TIAM1: variants seen among roughly 807,000 people sequenced by gnomAD.
TIAM1 encodes TIAM Rac1 associated GEF 1.
Under a neutral mutation model 163.5 loss-of-function variants are expected in TIAM1, and 65 were observed. The ratio of observed to expected loss-of-function variants is 0.40; its 90% confidence interval spans 0.33 to 0.49. The LOEUF (loss-of-function observed/expected upper bound fraction) is 0.49, where lower values mean the gene tolerates loss of function less well. Ranked by LOEUF, TIAM1 falls within the 20% of genes least tolerant of loss-of-function variation. The pLI, the probability that TIAM1 is intolerant of heterozygous loss-of-function variation, is 0.77. For missense variants in TIAM1, 1,789 were observed against 2,044.7 expected (o/e 0.87, Z 2.41); for synonymous variants, 833 against 810.1 (o/e 1.03, Z -0.48).
chr21:31,477,189 G>A (rs2268235), intron 1 of TIAM1, among the ~76,000 whole-genome samples: 1 of 152,064 alleles, frequency 6.6e-6, no homozygotes, highest in African/African-American at 2.4e-5. Flanking sequence ...ATCAGAGGGA[G>A]GTTTCCACAG....
chr21:31,163,456 C>T (rs2146359237), intron 16 of TIAM1, among the ~76,000 whole-genome samples: 1 of 152,236 alleles, frequency 6.6e-6, no homozygotes, highest in South Asian at 2.1e-4. Context: ...TAACAACCAA[C>T]AACATAATGC....
chr21:31,373,617 C>A (rs1178961292), intron 2 of TIAM1, among the ~76,000 whole-genome samples: 1 of 152,020 alleles, frequency 6.6e-6, no homozygotes, highest in African/African-American at 2.4e-5. Context: ...ATACAAGAGA[C>A]AGCAGAAAAG....
chr21:31,322,768 G>T (rs952261271), intron 2 of TIAM1, among the ~76,000 whole-genome samples: 9 of 152,110 alleles, frequency 5.9e-5, no homozygotes, highest in African/African-American at 2.2e-4. Context: ...TGAATATTAG[G>T]TCCCAAACGC....
chr21:31,380,628 G>A (rs960434608), intron 2 of TIAM1, among the ~76,000 whole-genome samples: 8 of 152,148 alleles, frequency 5.3e-5, no homozygotes, highest in Admixed American at 1.3e-4. Flanking sequence ...TGGATGATTC[G>A]AAAGGGGTAT....
intron 16 of TIAM1, among the ~76,000 whole-genome samples, chr21:31,163,029 A>G (rs964862521): frequency 1.3e-5 from 2 of 152,074 alleles, no homozygotes; most frequent in Non-Finnish European, 2.9e-5. Flanking sequence ...TTATGACCTC[A>G]TGACTCACTA....
chr21:31,503,004 G>A (rs1345631797), intron 1 of TIAM1, among the ~76,000 whole-genome samples: 1 of 152,194 alleles, frequency 6.6e-6, no homozygotes, highest in East Asian at 1.9e-4. Flanking sequence ...CCTGCTGTGA[G>A]AGCCACACCC....
chr21:31,530,458 C>T (rs924973912), intron 1 of TIAM1, among the ~76,000 whole-genome samples: 2 of 152,262 alleles, frequency 1.3e-5, no homozygotes, highest in Non-Finnish European at 2.9e-5. Flanking sequence ...TGTCTCCCTT[C>T]ACAACAGTGT....
At position 31,147,015 on chromosome 21, in the gene TIAM1, G is replaced by A. The variant is rs1012033199; in HGVS notation, c.3367-12C>T. ...GAGAACAGCACTTTCTGGATTTGACGAGAAAAGGCACAGTTGGTTGTTTCC... is the reference window on the plus strand; with the variant it reads ...GAGAACAGCACTTTCTGGATTTGACAAGAAAAGGCACAGTTGGTTGTTTCC... On this transcript the variant is annotated splice_polypyrimidine_tract_variant and intron_variant, in intron 19 of 27. Transcript: ENST00000541036. The A allele has an allele frequency of 1.1e-5, 17 of 1,608,984 alleles. No homozygotes were observed. Among genetic ancestry groups the A allele is most frequent in the African/African-American group, 2.7e-5 (2 of 74,806 alleles).
chr21:31,434,076 C>T (rs1368651482), intron 2 of TIAM1, among the ~76,000 whole-genome samples: 5 of 151,986 alleles, frequency 3.3e-5, no homozygotes, highest in Admixed American at 3.3e-4. Context: ...AGGATTATAG[C>T]AACCGTGCCT....
intron 13 of TIAM1, among the ~76,000 whole-genome samples, chr21:31,194,537 G>A (rs2085755566): frequency 6.6e-6 from 1 of 152,136 alleles, no homozygotes; most frequent in African/African-American, 2.4e-5. Flanking sequence ...CAAAAATTAT[G>A]GGAGGTCATT....
At chr21:31,267,885 G>A (rs1363853270) in intron 3 of TIAM1, among the ~76,000 whole-genome samples, 4 of 152,114 alleles carry the variant, frequency 2.6e-5, no homozygotes, top group East Asian at 1.9e-4. Context: ...GTGTGATTCC[G>A]CCTTCTGGGG....
At chr21:31,158,446 C>T (rs2083736757) in intron 16 of TIAM1, among the ~76,000 whole-genome samples, 1 of 152,238 alleles carries the variant, frequency 6.6e-6, no homozygotes, top group East Asian at 1.9e-4. Context: ...TGAATCAAGG[C>T]ACCAACCCTC....
chr21:31,268,664 T>G (rs1018130673), intron 3 of TIAM1, among the ~76,000 whole-genome samples: 3 of 152,202 alleles, frequency 2.0e-5, no homozygotes, highest in Non-Finnish European at 4.4e-5. Flanking sequence ...GCAAGTAGAT[T>G]TCAAAGCAAT....
chr21:31,130,754 C>T (rs2082386130), intron 24 of TIAM1, 136 bp downstream of exon 24: 1 of 763,222 alleles, frequency 1.3e-6, no homozygotes, highest in Non-Finnish European at 2.1e-6. Context: ...TGATCTCAAG[C>T]ATCCTTAGCA....
intron 2 of TIAM1, among the ~76,000 whole-genome samples, chr21:31,377,008 G>A (rs759130941): frequency 8.2e-5 from 12 of 146,050 alleles, no homozygotes; most frequent in South Asian, 2.2e-4. Context: ...ACAGGCGGAC[G>A]CCACCATGCC....
chr21:31,255,414 G>C (rs1327944755), intron 4 of TIAM1, among the ~76,000 whole-genome samples: 6 of 152,130 alleles, frequency 3.9e-5, no homozygotes, highest in Non-Finnish European at 8.8e-5. Context: ...TGCTGGAAAG[G>C]GTGATGACCC....
At chr21:31,198,581 CA>C (rs1187902720) in intron 12 of TIAM1, among the ~76,000 whole-genome samples, 1 of 152,174 alleles carries the variant, frequency 6.6e-6, no homozygotes, top group African/African-American at 2.4e-5. Flanking sequence ...CCTAACACCA[CA>C]AAATGCTCAA....
chr21:31,336,261 T>C (rs1246371279), intron 2 of TIAM1, among the ~76,000 whole-genome samples: 2 of 152,190 alleles, frequency 1.3e-5, no homozygotes, highest in South Asian at 2.1e-4. Context: ...TCACCTACCA[T>C]TTGCATGAAA....
intron 25 of TIAM1, among the ~76,000 whole-genome samples, chr21:31,129,525 A>T (rs1199700346): frequency 1.3e-5 from 2 of 152,218 alleles, no homozygotes; most frequent in Non-Finnish European, 2.9e-5. Context: ...CAAAATATTT[A>T]AAAAATTAGC....
Sources: gnomAD v4.1 joint callset for allele counts (sites outside exome capture counted in the v4.1 genomes callset) on GRCh38, gnomAD v4.1.1 for gene constraint, MANE v1.5 for transcripts, NCBI Gene and HGNC (gene_info 2026-07-23, HGNC 2026-07-21) for gene names.